DPP10: variants seen among roughly 807,000 people sequenced by gnomAD.
The protein encoded by DPP10 is dipeptidyl peptidase like 10, also known as inactive dipeptidyl peptidase 10.
In DPP10, 33 loss-of-function variants were observed where a neutral mutation model predicts 120.9. The observed-to-expected ratio is 0.27, with a 90% CI of 0.21 to 0.37. The LOEUF (loss-of-function observed/expected upper bound fraction) is 0.37. DPP10 is among the 10% of genes least tolerant of loss of function. The pLI is 1.00. For missense variants in DPP10, 816 were observed against 942.8 expected (o/e 0.87, Z 1.76); for synonymous variants, 337 against 326.1 (o/e 1.03, Z -0.36).
At position 115,584,399 on chromosome 2, in the gene DPP10, T is replaced by G. The variant is rs2149140075; in HGVS notation, c.441+58427T>G. Among the ~76,000 whole-genome samples the G allele has an allele frequency of 2.0e-5, 3 of 151,620 alleles. No homozygotes were observed. The Middle Eastern group carries it at 0.01, about 519-fold the overall frequency. On this transcript the variant is annotated intron_variant, in intron 5 of 25. Transcript: ENST00000410059. ...AAATAAAGAAGGGAGGGATGGATTA[T>G]GGACAAGAAGGAGAGAAACACAGAG...
intron 1 of DPP10, among the ~76,000 whole-genome samples, chr2:114,767,303 T>G (rs548447563): frequency 1.3e-4 from 18 of 143,374 alleles, no homozygotes; most frequent in Non-Finnish European, 2.1e-4. Flanking sequence ...TATATATATA[T>G]AAATATATAA....
At chr2:115,777,166 G>A in intron 13 of DPP10, 42 bp from the exon 14 acceptor site, 1 of 1,578,242 alleles carries the variant, frequency 6.3e-7, no homozygotes, top group Non-Finnish European at 8.7e-7. Context: ...GAGAGATGCT[G>A]TTTAAATGAA....
chr2:115,712,896 A>G (rs2092377916), intron 7 of DPP10, among the ~76,000 whole-genome samples: 1 of 152,034 alleles, frequency 6.6e-6, no homozygotes, highest in Non-Finnish European at 1.5e-5. Flanking sequence ...TACAAAAACC[A>G]TTTTTACTTT....
intron 1 of DPP10, among the ~76,000 whole-genome samples, chr2:114,870,996 T>TA (rs1690646343): frequency 7.5e-6 from 1 of 133,434 alleles, no homozygotes; most frequent in Non-Finnish European, 1.6e-5. Context: ...TCTTTTTTTT[T>TA]TGTTACTTAA....
At chr2:115,219,030 G>A (rs1407418850) in intron 1 of DPP10, among the ~76,000 whole-genome samples, 8 of 151,992 alleles carry the variant, frequency 5.3e-5, no homozygotes. Flanking sequence ...GAGATAGCAT[G>A]CATTATCTTA....
rs1677820687 is a variant in DPP10 at position 114,444,304 on chromosome 2, C to T, written c.60+1466C>T. Among the ~76,000 whole-genome samples the T allele has an allele frequency of 2.0e-5, 3 of 152,304 alleles. No homozygotes were observed. The South Asian group carries it at 6.2e-4, about 32-fold the overall frequency. ...AAGCCAAAATAGTAAATACATGACA[C>T]TCTACATTGGGATATATAAGCTCTA... On this transcript the variant is annotated intron_variant, in intron 1 of 25. Transcript: ENST00000410059.
intron 1 of DPP10, among the ~76,000 whole-genome samples, chr2:114,766,489 C>T (rs1011286849): frequency 2.6e-5 from 4 of 152,076 alleles, no homozygotes; most frequent in African/African-American, 7.2e-5. Context: ...AACCTGCCTC[C>T]TAACATTTAT....
intron 19 of DPP10, among the ~76,000 whole-genome samples, chr2:115,798,316 G>T (rs148576255): frequency 5.6e-4 from 85 of 151,946 alleles, no homozygotes; most frequent in Middle Eastern, 6.8e-3. Context: ...AACATATTAG[G>T]ATATAAGATT....
intron 1 of DPP10, among the ~76,000 whole-genome samples, chr2:114,468,726 G>A (rs948307360): frequency 5.3e-5 from 8 of 152,072 alleles, no homozygotes; most frequent in Non-Finnish European, 1.2e-4. Context: ...ATGCTGCTTC[G>A]AAAGAAAAGC....
intron 1 of DPP10, among the ~76,000 whole-genome samples, chr2:114,974,448 C>CACT (rs1420692258): frequency 7.1e-6 from 1 of 140,110 alleles, no homozygotes; most frequent in East Asian, 2.1e-4. Context: ...AGCAGAGTCT[C>CACT]ACTCTGTCAC....
At chr2:115,534,326 G>A (rs2078663347) in intron 5 of DPP10, among the ~76,000 whole-genome samples, 1 of 151,730 alleles carries the variant, frequency 6.6e-6, no homozygotes, top group Admixed American at 6.6e-5. Flanking sequence ...TGATCTCATT[G>A]TTCAATTCCC....
At chr2:114,531,420 GGAGA>G (rs1011604331) in intron 1 of DPP10, among the ~76,000 whole-genome samples, 38 of 151,408 alleles carry the variant, frequency 2.5e-4, no homozygotes, top group African/African-American at 8.2e-4. Context: ...AGAAAGAGAA[GGAGA>G]GAGAGAAAGA....
Position 115,223,382 on chromosome 2 carries a change from C to G in DPP10, c.61-85857C>G, listed in dbSNP as rs545345153. 2.6e-4 allele frequency among the ~76,000 whole-genome samples: 40 copies of G among 152,158 alleles called. No homozygotes were observed. In the South Asian group the frequency reaches 5.8e-3, roughly 22 times the overall value. On this transcript the variant is annotated intron_variant, in intron 1 of 25. Transcript: ENST00000410059. ...GGTTTAATTATGGCTGTGTCAGTTG[C>G]TCTTTATGGAGGCTTTGGCAAGTAA...
chr2:115,704,553 A>G (rs2092024418), intron 7 of DPP10, among the ~76,000 whole-genome samples: 1 of 152,010 alleles, frequency 6.6e-6, no homozygotes, highest in Non-Finnish European at 1.5e-5. Context: ...TAAGTTTAAT[A>G]AATTTCTGGT....
intron 1 of DPP10, among the ~76,000 whole-genome samples, chr2:115,084,691 A>T (rs2104516420): frequency 6.6e-6 from 1 of 152,306 alleles, no homozygotes; most frequent in Admixed American, 6.5e-5. Context: ...CAGCTAAGAA[A>T]ACAACGGAGG....
At chr2:115,346,215 T>C (rs1559461981) in intron 3 of DPP10, among the ~76,000 whole-genome samples, 8 of 152,186 alleles carry the variant, frequency 5.3e-5, no homozygotes, top group Admixed American at 3.3e-4. Context: ...AATATATGAG[T>C]AGGATGTGTA....
At chr2:115,428,895 T>C (rs533088392) in intron 3 of DPP10, among the ~76,000 whole-genome samples, 2 of 152,256 alleles carry the variant, frequency 1.3e-5, no homozygotes, top group African/African-American at 4.8e-5. Flanking sequence ...GGACCTTATA[T>C]TTAGATGGAG....
chr2:114,814,741 G>C (rs1206682621), intron 1 of DPP10, among the ~76,000 whole-genome samples: 4 of 152,160 alleles, frequency 2.6e-5, no homozygotes, highest in Admixed American at 2.6e-4. Flanking sequence ...GTCAAGAACA[G>C]GGAATTTCTC....
chr2:114,490,674 A>C (rs538044762), intron 1 of DPP10, among the ~76,000 whole-genome samples: 1 of 152,226 alleles, frequency 6.6e-6, no homozygotes, highest in African/African-American at 2.4e-5. Context: ...GAGGAGAAAC[A>C]ATTCCTGAGT....
Sources: allele counts gnomAD v4.1 joint callset (sites outside exome capture counted in the v4.1 genomes callset), GRCh38; gene constraint gnomAD v4.1.1; transcripts MANE v1.5; gene names NCBI Gene and HGNC (gene_info 2026-07-23, HGNC 2026-07-21).